Variants in PSMA3 observed in about 807,000 individuals in gnomAD.
The protein encoded by PSMA3 is proteasome subunit alpha type-3.
A neutral mutation model predicts 40.0 loss-of-function variants in PSMA3; 8 were observed. That is an observed-to-expected ratio of 0.20 (90% CI 0.12 to 0.36). The LOEUF is 0.36. Ranked by LOEUF, PSMA3 falls within the 10% of genes least tolerant of loss-of-function variation. The pLI, the probability that PSMA3 is intolerant of heterozygous loss-of-function variation, is 1.00. For missense variants in PSMA3, 219 were observed against 310.6 expected, an observed-to-expected ratio of 0.70 and a Z score of 2.22; for synonymous variants, 110 against 100.0, an observed-to-expected ratio of 1.10 and a Z score of -0.59.
chr14:58,260,598 T>C (rs1890254095), intron 5 of PSMA3, among the ~76,000 whole-genome samples: 1 of 152,220 alleles, frequency 6.6e-6, no homozygotes, highest in Admixed American at 6.5e-5. Flanking sequence ...CAGTATACTC[T>C]CCGTCAGGAA....
intron 10 of PSMA3, among the ~76,000 whole-genome samples, chr14:58,271,510 G>T (rs1346453862): frequency 1.3e-5 from 2 of 151,570 alleles, no homozygotes; most frequent in Non-Finnish European, 2.9e-5. Context: ...TGTATTTTTG[G>T]CTTCACCAAT....
intron 6 of PSMA3, among the ~76,000 whole-genome samples, chr14:58,261,749 A>C (rs1275737383): frequency 6.6e-6 from 1 of 152,084 alleles, no homozygotes; most frequent in African/African-American, 2.4e-5. Flanking sequence ...CTGGGACTAC[A>C]GGCTCATGCC....
At chr14:58,258,753 A>G (rs1474972155) in intron 5 of PSMA3, among the ~76,000 whole-genome samples, 1 of 150,912 alleles carries the variant, frequency 6.6e-6, no homozygotes, top group Non-Finnish European at 1.5e-5. Flanking sequence ...ATTTTTCTAA[A>G]ATGAAAAGAC....
At chr14:58,265,402 C>T (rs555317436) in intron 7 of PSMA3, 44 of 152,268 alleles carry the variant, frequency 2.9e-4, no homozygotes, top group Non-Finnish European at 3.1e-4. Flanking sequence ...GGAACACTTT[C>T]AGTTTGTGAC....
intron 2 of PSMA3, among the ~76,000 whole-genome samples, chr14:58,250,294 A>G (rs577970893): frequency 1.6e-4 from 24 of 151,824 alleles, no homozygotes; most frequent in East Asian, 1.4e-3. Flanking sequence ...GCCTCAGGCA[A>G]GCCTTTCACT....
At chr14:58,260,128 G>C (rs1809521646) in intron 5 of PSMA3, among the ~76,000 whole-genome samples, 1 of 152,164 alleles carries the variant, frequency 6.6e-6, no homozygotes, top group Admixed American at 6.5e-5. Flanking sequence ...TTGTCCCTTG[G>C]TATTTGTGGG....
rs201941830 is a variant in PSMA3 at position 58,244,884 on chromosome 14, G to T, written c.-37G>T. ...CTGTGGTATAGGGGAAGCGCTCCGG[G>T]CCTGGAATCCCTACGCGTCCCTTTG... On this transcript the variant is annotated 5_prime_UTR_variant, in exon 1 of 11. Transcript: ENST00000216455. The T allele has an allele frequency of 4.3e-6, 7 of 1,614,046 alleles. No individual in the cohort carries two copies. The highest frequency in any genetic ancestry group is 3.3e-5 in the Admixed American group (2 of 59,996).
intron 3 of PSMA3, among the ~76,000 whole-genome samples, chr14:58,253,354 T>C (rs576710750): frequency 4.6e-5 from 7 of 152,274 alleles, no homozygotes; most frequent in Admixed American, 4.6e-4. Flanking sequence ...GATTCAAACT[T>C]GGGTCTGCAT....
At chr14:58,270,614 T>C (rs1890586636) in intron 9 of PSMA3, 129 bp downstream of exon 9, 1 of 1,489,316 alleles carries the variant, frequency 6.7e-7, no homozygotes, top group East Asian at 2.3e-5. Flanking sequence ...AAGGGAAAGT[T>C]CTGCTTAATA....
intron 8 of PSMA3, among the ~76,000 whole-genome samples, chr14:58,269,240 C>G (rs114357854): frequency 1.1e-3 from 161 of 152,008 alleles, no homozygotes; most frequent in African/African-American, 3.6e-3. Context: ...CCTCTTGATA[C>G]TTTTTATGTT....
At chr14:58,253,903 ATTCTT>A (rs1206294127) in intron 3 of PSMA3, among the ~76,000 whole-genome samples, 1 of 152,134 alleles carries the variant, frequency 6.6e-6, no homozygotes, top group Non-Finnish European at 1.5e-5. Context: ...CTAGCATTTT[ATTCTT>A]TTTAAAGGAT....
intron 7 of PSMA3, chr14:58,265,670 A>G (rs1014176197): frequency 6.6e-6 from 1 of 152,278 alleles, no homozygotes; most frequent in Non-Finnish European, 1.5e-5. Flanking sequence ...TGTTTACTAA[A>G]AAATAAAAAC....
rs534020716 is a variant in PSMA3 at position 58,259,257 on chromosome 14, A to T, written c.404+1259A>T. Among the ~76,000 whole-genome samples, 3 of 151,854 alleles carry T rather than the reference A, an allele frequency of 2.0e-5. No individual in the cohort carries two copies. In the South Asian group the frequency reaches 6.3e-4, roughly 32 times the overall value. On this transcript the variant is annotated intron_variant, in intron 5 of 10. Transcript: ENST00000216455. ...TCTGAGTTCATCAGTTAACTTCTCT[A>T]CTCTTTTTAAGGGAGTAAGAATAGT... is the stretch of plus-strand genomic sequence containing the variant.
rs544540648 is a variant in PSMA3, at chr14:58,254,333, C to CATATATATATATATAT, written c.228+2101_228+2102insATATATATATATATAT. On this transcript the variant is annotated intron_variant, in intron 3 of 10. Coordinates refer to ENST00000216455, the MANE Select transcript of PSMA3 (RefSeq NM_002788.4). ...AATATTTTGAAAAAAATTATGCATGCATATATATATGTATGTACACACACA... is the reference window on the plus strand; with the variant it reads ...AATATTTTGAAAAAAATTATGCATGCATATATATATATATATATATATATATGTATGTACACACACA... Among the ~76,000 whole-genome samples the CATATATATATATATAT allele has an allele frequency of 7.9e-3, 189 of 23,792 alleles. 43 individuals carry two copies. Among genetic ancestry groups the CATATATATATATATAT allele is most frequent in the African/African-American group, 0.022 (162 of 7,360 alleles). The allele number at this position is 23,792 out of a possible 152,430, so 15.6% of individuals were successfully genotyped here. A position where few individuals can be genotyped will look rare whatever the true frequency, so the allele number is the denominator to read the frequency against.
Position 58,270,452 on chromosome 14 carries a change from G to A in PSMA3, c.625G>A (p.Ala209Thr). The change falls in exon 9 of 11, where the codon GCT becomes ACT. Residue 209 changes from alanine (A) to threonine (T), a missense_variant. Coordinates refer to ENST00000216455, the MANE Select transcript of PSMA3 (RefSeq NM_002788.4). ...YIVHDEVKDK[A>T]FELELSWVGE... is the part of the protein sequence containing the mutation. Reference sequence around the variant, plus strand: ...AGTACATGACGAAGTTAAGGATAAAGCTTTTGAACTAGAACTCAGCTGGGT... The same window carrying A: ...AGTACATGACGAAGTTAAGGATAAAACTTTTGAACTAGAACTCAGCTGGGT... 1 of 1,613,664 alleles carries A rather than the reference G, an allele frequency of 6.2e-7. No homozygotes were observed. The highest frequency in any genetic ancestry group is 8.5e-7 in the Non-Finnish European group (1 of 1,179,772).
At chr14:58,264,061 G>A (rs1217302720) in intron 7 of PSMA3, among the ~76,000 whole-genome samples, 2 of 152,202 alleles carry the variant, frequency 1.3e-5, no homozygotes, top group Non-Finnish European at 2.9e-5. Flanking sequence ...CTAAGTCACT[G>A]AATGGGAAAG....
intron 6 of PSMA3, 66 bp from the exon 7 acceptor site, chr14:58,263,639 T>C (rs1890347041): frequency 3.1e-6 from 4 of 1,277,134 alleles, no homozygotes; most frequent in Non-Finnish European, 4.5e-6. Context: ...ATAGAAACAT[T>C]AGTAGTCATT....
intron 10 of PSMA3, 28 bp from the exon 11 acceptor site, chr14:58,271,823 A>G (rs747161846): frequency 1.0e-5 from 16 of 1,564,958 alleles, no homozygotes; most frequent in Middle Eastern, 1.7e-4. Flanking sequence ...TTAAAAATCA[A>G]TTTTAAACAC....
At chr14:58,255,099 C>G (rs1162476102) in intron 3 of PSMA3, among the ~76,000 whole-genome samples, 2 of 151,916 alleles carry the variant, frequency 1.3e-5, no homozygotes, top group Non-Finnish European at 2.9e-5. Flanking sequence ...CTCATGGCTT[C>G]CCTAGGCCGA....
Sources: allele counts gnomAD v4.1 joint callset (sites outside exome capture counted in the v4.1 genomes callset), GRCh38; gene constraint gnomAD v4.1.1; transcripts MANE v1.5; gene names NCBI Gene and HGNC (gene_info 2026-07-23, HGNC 2026-07-21).